The following ATP9B variants were observed in gnomAD, a reference collection of about 807,000 sequenced individuals.
ATP9B encodes the protein probable phospholipid-transporting ATPase IIB.
A neutral mutation model predicts 146.1 loss-of-function variants in ATP9B; 110 were observed. That is an observed-to-expected ratio of 0.75 (90% confidence interval 0.65 to 0.88). The LOEUF is 0.88. Among genes scored for constraint, ATP9B ranks in the 40% least tolerant of loss-of-function variants. The probability of loss-of-function intolerance (pLI) is 0.00; values close to 1 mark genes in which losing one functional copy is unlikely to be tolerated. For missense variants in ATP9B, 1,499 were observed against 1,496.4 expected (o/e 1.00, Z -0.03); for synonymous variants, 604 against 569.7 (o/e 1.06, Z -0.86).
At chr18:79,373,531 C>CTG (rs2097085448) in intron 27 of ATP9B, among the ~76,000 whole-genome samples, 1 of 149,814 alleles carries the variant, frequency 6.7e-6, no homozygotes, top group South Asian at 2.1e-4. Context: ...GCTCTGTCAC[C>CTG]CAGGCTGGAG....
chr18:79,345,348 G>T, intron 21 of ATP9B, 80 bp from the exon 22 acceptor site: 1 of 1,538,692 alleles, frequency 6.5e-7, no homozygotes, highest in East Asian at 2.3e-5. Context: ...TGCTCCCATG[G>T]TTTTGCACTT....
At chr18:79,157,521 GTTCT>G (rs1322722802) in intron 7 of ATP9B, among the ~76,000 whole-genome samples, 3 of 151,536 alleles carry the variant, frequency 2.0e-5, no homozygotes, top group Non-Finnish European at 2.9e-5. Context: ...GTTAAGAAGT[GTTCT>G]TTCTTCTATG....
chr18:79,161,614 C>T (rs537779034), intron 7 of ATP9B, among the ~76,000 whole-genome samples: 5 of 152,216 alleles, frequency 3.3e-5, no homozygotes, highest in East Asian at 1.9e-4. Flanking sequence ...TTTGGGAGGC[C>T]GAGATGGGTG....
chr18:79,121,952 G>T (rs184588845), intron 4 of ATP9B, among the ~76,000 whole-genome samples: 18 of 152,134 alleles, frequency 1.2e-4, no homozygotes, highest in Admixed American at 9.2e-4. Context: ...ACATTTTTGT[G>T]GCTTATGATT....
At chr18:79,327,464 C>T (rs951376787) in intron 15 of ATP9B, among the ~76,000 whole-genome samples, 67 of 151,214 alleles carry the variant, frequency 4.4e-4, no homozygotes, top group African/African-American at 1.2e-3. Flanking sequence ...CCATGGTTAG[C>T]GTGTTCTCCG....
intron 26 of ATP9B, among the ~76,000 whole-genome samples, chr18:79,371,370 TAAAAAAAAAAAAAAAAAAA>T (rs59110010): frequency 3.1e-5 from 3 of 98,084 alleles, no homozygotes; most frequent in East Asian, 3.4e-4. Flanking sequence ...GACTCCGTCT[TAAAAAAAAAAAAAAAAAAA>T]AAAAAAAAAA....
intron 7 of ATP9B, among the ~76,000 whole-genome samples, chr18:79,174,524 T>C (rs946721847): frequency 2.0e-5 from 3 of 152,228 alleles, no homozygotes; most frequent in African/African-American, 7.2e-5. Context: ...GGCCCTTCTC[T>C]TGCGCTTGGT....
chr18:79,347,151 A>T (rs569718090), intron 23 of ATP9B, among the ~76,000 whole-genome samples: 9 of 152,048 alleles, frequency 5.9e-5, no homozygotes, highest in Non-Finnish European at 1.3e-4. Context: ...CTGTGGTTTG[A>T]GGTTCATCTT....
At position 79,069,485 on chromosome 18, in the gene ATP9B, C is replaced by T. The variant is rs769978948; in HGVS notation, c.75C>T (p.Tyr25=). The T allele has an allele frequency of 1.8e-5, 27 of 1,482,012 alleles. No homozygotes were observed. In the East Asian group the frequency reaches 7.4e-4, roughly 41 times the overall value. 91.8% of individuals were successfully genotyped at this position (1,482,012 alleles called of 1,614,324 possible). The part of the protein sequence containing the change: ...AAAANRKRAA[Y]YSAAGPRPGA... ...CAGCCAACCGCAAACGCGCGGCCTA[C>T]TACAGCGCCGCGGGGCCCAGGCCGG... The change falls in exon 1 of 30, where the codon TAC becomes TAT. Residue 25 remains tyrosine, a synonymous_variant. Transcript: ENST00000426216.
chr18:79,304,763 G>T (rs897741779), intron 14 of ATP9B, among the ~76,000 whole-genome samples: 1 of 152,096 alleles, frequency 6.6e-6, no homozygotes, highest in African/African-American at 2.4e-5. Context: ...ATTTTTTTGT[G>T]CCTGTCATAA....
intron 15 of ATP9B, among the ~76,000 whole-genome samples, chr18:79,318,191 C>T (rs892521589): frequency 2.6e-5 from 4 of 152,246 alleles, no homozygotes; most frequent in Non-Finnish European, 5.9e-5. Context: ...AGCATAATTC[C>T]TCTTCCTTTA....
chr18:79,351,148 G>C (rs2096920329), intron 25 of ATP9B, among the ~76,000 whole-genome samples: 1 of 152,140 alleles, frequency 6.6e-6, no homozygotes, highest in Non-Finnish European at 1.5e-5. Context: ...TTTCTTCCTT[G>C]GAAGTCATAG....
intron 1 of ATP9B, among the ~76,000 whole-genome samples, chr18:79,072,599 T>C (rs1349790922): frequency 6.6e-6 from 1 of 152,152 alleles, no homozygotes; most frequent in Non-Finnish European, 1.5e-5. Context: ...TTTCCCGACA[T>C]TTCCCCCTTT....
At chr18:79,315,836 G>C (rs1339052791) in intron 15 of ATP9B, among the ~76,000 whole-genome samples, 1 of 152,192 alleles carries the variant, frequency 6.6e-6, no homozygotes, top group African/African-American at 2.4e-5. Context: ...TTGCTAAGCA[G>C]CCTGTGCATG....
chr18:79,368,449 C>T (rs1249040968), intron 26 of ATP9B, among the ~76,000 whole-genome samples: 7 of 152,188 alleles, frequency 4.6e-5, no homozygotes, highest in Non-Finnish European at 8.8e-5. Context: ...GTGTGGAGTT[C>T]AAAACCAGCC....
chr18:79,266,448 T>A (rs766070218), intron 12 of ATP9B, among the ~76,000 whole-genome samples: 8 of 152,046 alleles, frequency 5.3e-5, no homozygotes, highest in Non-Finnish European at 7.4e-5. Flanking sequence ...CACCATTTAT[T>A]TCTTTTCCTT....
At chr18:79,333,187 C>T (rs976974631) in intron 17 of ATP9B, among the ~76,000 whole-genome samples, 1 of 152,154 alleles carries the variant, frequency 6.6e-6, no homozygotes, top group African/African-American at 2.4e-5. Context: ...TGCGGCTGTG[C>T]CCGGGTGGTT....
At chr18:79,333,170 C>A (rs2096800890) in intron 17 of ATP9B, among the ~76,000 whole-genome samples, 2 of 152,166 alleles carry the variant, frequency 1.3e-5, no homozygotes, top group Admixed American at 1.3e-4. Flanking sequence ...TGATGTGTTT[C>A]CAAATGTGCG....
At chr18:79,138,873 A>T (rs984419038) in intron 5 of ATP9B, among the ~76,000 whole-genome samples, 1 of 151,646 alleles carries the variant, frequency 6.6e-6, no homozygotes, top group Admixed American at 6.6e-5. Context: ...GTTTGAGACC[A>T]GTCTGGGAAC....
Sources: allele counts gnomAD v4.1 joint callset (sites outside exome capture counted in the v4.1 genomes callset), GRCh38; gene constraint gnomAD v4.1.1; transcripts MANE v1.5; gene names NCBI Gene and HGNC (gene_info 2026-07-23, HGNC 2026-07-21).